CFAP299: variants seen among roughly 807,000 people sequenced by gnomAD.
The protein encoded by CFAP299 is cilia- and flagella-associated protein 299.
A neutral mutation model predicts 27.0 loss-of-function variants in CFAP299; 21 were observed. The observed-to-expected ratio is 0.78, with a 90% CI of 0.55 to 1.12. The LOEUF (loss-of-function observed/expected upper bound fraction) is 1.12, where lower values mean the gene tolerates loss of function less well. Ranked by LOEUF, CFAP299 falls within the 50% of genes most tolerant of loss-of-function variation. CFAP299 has a pLI of 0.00. For synonymous variants in CFAP299, 104 were observed against 98.1 expected (o/e 1.06, Z -0.36); for missense variants, 310 against 276.6 (o/e 1.12, Z -0.86).
intron 2 of CFAP299, among the ~76,000 whole-genome samples, chr4:80,516,590 T>G (rs1732600778): frequency 6.6e-6 from 1 of 152,078 alleles, no homozygotes; most frequent in African/African-American, 2.4e-5. Flanking sequence ...AGAACTCACT[T>G]ATCACCAAGA....
chr4:80,829,055 G>A (rs1257128262), intron 3 of CFAP299, among the ~76,000 whole-genome samples: 1 of 151,618 alleles, frequency 6.6e-6, no homozygotes. Context: ...AAAGGCACAG[G>A]TAAAAAAAGA....
chr4:80,870,457 C>T (rs761962151), intron 4 of CFAP299: 34 of 1,012,578 alleles, frequency 3.4e-5, no homozygotes, highest in Non-Finnish European at 4.0e-5. Context: ...CCAGAAGCCT[C>T]AAGAACTGCT....
chr4:80,322,382 G>A, the CFAP299 span, among the ~76,000 whole-genome samples: 1 of 152,116 alleles, frequency 6.6e-6, no homozygotes, highest in Non-Finnish European at 1.5e-5. Flanking sequence ...CATCTGGTGG[G>A]ACTCAGTCTT....
At chr4:80,889,974 T>G (rs1047990171) in intron 4 of CFAP299, among the ~76,000 whole-genome samples, 2 of 152,112 alleles carry the variant, frequency 1.3e-5, no homozygotes, top group Non-Finnish European at 2.9e-5. Context: ...TGAACATACC[T>G]CAATGTAATA....
intron 3 of CFAP299, among the ~76,000 whole-genome samples, chr4:80,744,185 A>G (rs1246709125): frequency 6.6e-6 from 1 of 152,192 alleles, no homozygotes; most frequent in Non-Finnish European, 1.5e-5. Context: ...TTTCTTCATA[A>G]TAGAAACTTG....
At chr4:80,837,516 A>G (rs1409928702) in intron 3 of CFAP299, among the ~76,000 whole-genome samples, 1 of 151,944 alleles carries the variant, frequency 6.6e-6, no homozygotes, top group Non-Finnish European at 1.5e-5. Context: ...ACTCCCACTT[A>G]CCAGTGAGAA....
intron 3 of CFAP299, among the ~76,000 whole-genome samples, chr4:80,684,262 A>C (rs1720028151): frequency 1.2e-5 from 1 of 86,142 alleles, no homozygotes; most frequent in African/African-American, 4.7e-5. Flanking sequence ...CTCTAAGATG[A>C]CTTCTTTTTT....
At chr4:80,944,280 G>T (rs1273566047) in intron 4 of CFAP299, among the ~76,000 whole-genome samples, 1 of 151,948 alleles carries the variant, frequency 6.6e-6, no homozygotes, top group Non-Finnish European at 1.5e-5. Flanking sequence ...ACTTCATATG[G>T]GGGTTGTGAT....
chr4:80,559,292 T>TTTGCAGTGCTTTTGGGAAAAGCA (rs1734929034), intron 2 of CFAP299, among the ~76,000 whole-genome samples: 1 of 140,858 alleles, frequency 7.1e-6, no homozygotes, highest in South Asian at 2.1e-4. Context: ...AAGTGGAAGC[T>TTTGCAGTGCTTTTGGGAAAAGCA]TTGAGGACTT....
intron 5 of CFAP299, among the ~76,000 whole-genome samples, chr4:80,947,367 C>A (rs1737529910): frequency 6.6e-6 from 1 of 152,092 alleles, no homozygotes; most frequent in South Asian, 2.1e-4. Flanking sequence ...TAATAGTAGA[C>A]TTATGAAAAG....
At chr4:80,343,240 C>A (rs1159235811) in intron 1 of CFAP299, among the ~76,000 whole-genome samples, 1 of 152,130 alleles carries the variant, frequency 6.6e-6, no homozygotes, top group Non-Finnish European at 1.5e-5. Context: ...GACATTAACA[C>A]CCTACTGGCA....
chr4:80,650,702 A>G (rs1740234838), intron 3 of CFAP299, among the ~76,000 whole-genome samples: 1 of 152,164 alleles, frequency 6.6e-6, no homozygotes, highest in Non-Finnish European at 1.5e-5. Context: ...TCCAATTTGT[A>G]TGCTGCTTTC....
At chr4:80,817,700 C>T (rs1729490230) in intron 3 of CFAP299, among the ~76,000 whole-genome samples, 1 of 151,436 alleles carries the variant, frequency 6.6e-6, no homozygotes, top group South Asian at 2.1e-4. Flanking sequence ...TGTTCAAAAG[C>T]ATTTTTGTAT....
At chr4:80,336,005 GACCGCGAC>G in intron 1 of CFAP299, 126 bp downstream of exon 1, 1 of 650,484 alleles carries the variant, frequency 1.5e-6, no homozygotes, top group African/African-American at 1.8e-5. Flanking sequence ...GCGGTTTCGG[GACCGCGAC>G]ACTAAAGCCG....
intron 3 of CFAP299, among the ~76,000 whole-genome samples, chr4:80,782,259 T>C (rs904447664): frequency 6.6e-6 from 1 of 152,104 alleles, no homozygotes; most frequent in Admixed American, 6.6e-5. Flanking sequence ...TCCCTCTTGC[T>C]GGAAACAATA....
intron 2 of CFAP299, among the ~76,000 whole-genome samples, chr4:80,495,487 AT>A (rs1456576354): frequency 2.0e-5 from 3 of 152,138 alleles, no homozygotes; most frequent in Non-Finnish European, 4.4e-5. Flanking sequence ...TTATTTTACA[AT>A]TCATATCAAA....
intron 3 of CFAP299, among the ~76,000 whole-genome samples, chr4:80,856,108 A>G (rs1445839266): frequency 2.6e-5 from 4 of 151,616 alleles, no homozygotes; most frequent in African/African-American, 9.7e-5. Flanking sequence ...TCTAACTGGT[A>G]TGAGATGATA....
intron 3 of CFAP299, among the ~76,000 whole-genome samples, chr4:80,709,264 T>A (rs903101433): frequency 3.9e-5 from 6 of 152,228 alleles, no homozygotes; most frequent in African/African-American, 1.4e-4. Context: ...AAAGACATTT[T>A]GGCTTACATC....
chr4:80,780,575 A>T (rs1232074451), intron 3 of CFAP299, among the ~76,000 whole-genome samples: 1 of 152,082 alleles, frequency 6.6e-6, no homozygotes, highest in Non-Finnish European at 1.5e-5. Context: ...GAAGAAAGCA[A>T]ATTATTCTTA....
Sources: gnomAD v4.1 joint callset for allele counts (sites outside exome capture counted in the v4.1 genomes callset) on GRCh38, gnomAD v4.1.1 for gene constraint, MANE v1.5 for transcripts, NCBI Gene and HGNC (gene_info 2026-07-23, HGNC 2026-07-21) for gene names.